The following CHM variants were observed in gnomAD, a reference collection of about 807,000 sequenced individuals.
CHM encodes the protein rab proteins geranylgeranyltransferase component A 1.
In CHM, 10 loss-of-function variants were observed where a neutral mutation model predicts 49.0. The observed-to-expected ratio is 0.20, with a 90% CI of 0.13 to 0.35. CHM has a LOEUF of 0.35. Among genes scored for constraint, CHM ranks in the 10% least tolerant of loss-of-function variants. The probability of loss-of-function intolerance (pLI) is 1.00; values close to 1 mark genes in which losing one functional copy is unlikely to be tolerated. For synonymous variants in CHM, 184 were observed against 167.5 expected, an observed-to-expected ratio of 1.10 and a Z score of -0.76; for missense variants, 455 against 478.4, an observed-to-expected ratio of 0.95 and a Z score of 0.46.
chrX:86,020,984 T>C (rs751289169), intron 2 of CHM, among the ~76,000 whole-genome samples: 2 of 99,916 alleles, frequency 2.0e-5, no homozygotes, highest in African/African-American at 7.2e-5. Context: ...TATATACATC[T>C]GAATCCCAGA....
At chrX:85,889,823 G>T (rs1925326793) in intron 12 of CHM, among the ~76,000 whole-genome samples, 1 of 111,902 alleles carries the variant, frequency 8.9e-6, no homozygotes, top group South Asian at 3.7e-4. Flanking sequence ...CGGTGGACTG[G>T]ATTAAAAAAA....
At chrX:85,964,696 A>C (rs762122518) in intron 4 of CHM, among the ~76,000 whole-genome samples, 9 of 112,154 alleles carry the variant, frequency 8.0e-5, no homozygotes, top group Non-Finnish European at 1.5e-4. Context: ...TGTGGTATCT[A>C]ATAGGACCTT....
At chrX:86,008,957 T>C (rs1434875437) in intron 2 of CHM, among the ~76,000 whole-genome samples, 1 of 112,359 alleles carries the variant, frequency 8.9e-6, no homozygotes, top group African/African-American at 3.2e-5. Flanking sequence ...TCATTCTCCA[T>C]GAATGGAAAA....
chrX:85,877,644 C>T (rs1353820635), intron 13 of CHM, among the ~76,000 whole-genome samples: 1 of 110,877 alleles, frequency 9.0e-6, no homozygotes, highest in East Asian at 2.8e-4. Flanking sequence ...GATGGGTATC[C>T]CATTTACCAT....
intron 8 of CHM, among the ~76,000 whole-genome samples, chrX:85,914,875 A>T (rs1469284484): frequency 9.0e-6 from 1 of 110,641 alleles, no homozygotes; most frequent in Non-Finnish European, 1.9e-5. Flanking sequence ...ACCTCAATAA[A>T]CCAGAACAAA....
At chrX:85,899,680 AC>A (rs374034736) in intron 11 of CHM, among the ~76,000 whole-genome samples, 6 of 49,578 alleles carry the variant, frequency 1.2e-4, no homozygotes, top group African/African-American at 4.9e-4. Context: ...CTCTAAACCC[AC>A]CCCCCGCCCC....
At chrX:85,937,584 C>T (rs1472227499) in intron 8 of CHM, among the ~76,000 whole-genome samples, 1 of 109,670 alleles carries the variant, frequency 9.1e-6, no homozygotes, top group Non-Finnish European at 1.9e-5. Context: ...CGTCTCAAGC[C>T]TGTAATCCCA....
intron 14 of CHM, 57 bp downstream of exon 14, chrX:85,872,993 AAT>A: frequency 9.0e-7 from 1 of 1,110,827 alleles, no homozygotes. Context: ...CAGAGGAAAA[AAT>A]ATTTCCCAAC....
intron 9 of CHM, among the ~76,000 whole-genome samples, chrX:85,904,875 T>C (rs1926497254): frequency 8.9e-6 from 1 of 111,930 alleles, no homozygotes; most frequent in African/African-American, 3.3e-5. Context: ...ACTTTCTGGA[T>C]AGACTCCAAG....
chrX:85,915,478 G>T (rs777095544), intron 8 of CHM, among the ~76,000 whole-genome samples: 1 of 111,971 alleles, frequency 8.9e-6, no homozygotes, highest in Non-Finnish European at 1.9e-5. Flanking sequence ...AAGAAATAAA[G>T]TGCATCAAAA....
intron 8 of CHM, among the ~76,000 whole-genome samples, chrX:85,933,977 A>C (rs1283167829): frequency 9.1e-6 from 1 of 110,214 alleles, no homozygotes; most frequent in Non-Finnish European, 1.9e-5. Context: ...GGTTGAAATT[A>C]GCTTTTTTTT....
At chrX:85,905,212 C>T (rs896920314) in intron 9 of CHM, among the ~76,000 whole-genome samples, 1 of 111,300 alleles carries the variant, frequency 9.0e-6, no homozygotes, top group African/African-American at 3.3e-5. Flanking sequence ...TACCTCAAAT[C>T]TCTTTTTATA....
At chrX:85,914,494 C>T (rs1722188448) in intron 8 of CHM, among the ~76,000 whole-genome samples, 2 of 110,612 alleles carry the variant, frequency 1.8e-5, no homozygotes, top group South Asian at 7.8e-4. Context: ...TGAAGACAAA[C>T]CTCCCCCAGT....
chrX:85,896,320 G>T (rs1309273277), intron 11 of CHM, among the ~76,000 whole-genome samples: 1 of 110,775 alleles, frequency 9.0e-6, no homozygotes, highest in Non-Finnish European at 1.9e-5. Context: ...GAGGTGATGA[G>T]AACCTAACTG....
Position 86,013,145 on chromosome X carries a change from T to C in CHM, c.116+14346A>G, listed in dbSNP as rs190186433. 6.5e-3 allele frequency among the ~76,000 whole-genome samples: 720 copies of C among 111,542 alleles called. 1 individual carries two copies. Among genetic ancestry groups the C allele is most frequent in the Non-Finnish European group, 0.011 (590 of 53,046 alleles). On this transcript the variant is annotated intron_variant, in intron 2 of 14. Coordinates refer to ENST00000357749, the MANE Select transcript of CHM (RefSeq NM_000390.4). ...TACTGACAGAGAGAGAGAAACCACCTGGAGTCCCCTTTCCTCTTCCATCGC... is the reference window on the plus strand; with the variant it reads ...TACTGACAGAGAGAGAGAAACCACCCGGAGTCCCCTTTCCTCTTCCATCGC...
At chrX:86,006,325 T>C (rs1264609024) in intron 2 of CHM, among the ~76,000 whole-genome samples, 1 of 111,740 alleles carries the variant, frequency 8.9e-6, no homozygotes, top group East Asian at 2.8e-4. Context: ...GGGCACAAAC[T>C]GGAAGCATTC....
At chrX:86,003,549 G>A (rs1031226417) in intron 2 of CHM, among the ~76,000 whole-genome samples, 1 of 112,040 alleles carries the variant, frequency 8.9e-6, no homozygotes, top group Non-Finnish European at 1.9e-5. Flanking sequence ...AGAATAAACA[G>A]TGTAGAGAAG....
At chrX:85,976,165 A>G (rs371993466) in intron 4 of CHM, among the ~76,000 whole-genome samples, 2 of 111,936 alleles carry the variant, frequency 1.8e-5, no homozygotes, top group African/African-American at 6.5e-5. Context: ...CTGGAATACA[A>G]CTGTGATCAT....
intron 2 of CHM, among the ~76,000 whole-genome samples, chrX:86,005,748 C>A (rs1014930034): frequency 1.8e-5 from 2 of 111,648 alleles, no homozygotes; most frequent in South Asian, 3.7e-4. Flanking sequence ...CAATAACAGG[C>A]TCTGAAATTG....
Sources: gnomAD v4.1 joint callset for allele counts (sites outside exome capture counted in the v4.1 genomes callset) on GRCh38, gnomAD v4.1.1 for gene constraint, MANE v1.5 for transcripts, NCBI Gene and HGNC (gene_info 2026-07-23, HGNC 2026-07-21) for gene names.